The following ZFHX3 variants were observed in gnomAD, a reference collection of about 807,000 sequenced individuals.
ZFHX3 encodes the protein zinc finger homeobox 3.
A neutral mutation model predicts 279.1 loss-of-function variants in ZFHX3; 42 were observed. The observed-to-expected ratio is 0.15, with a 90% CI of 0.12 to 0.19. The LOEUF (loss-of-function observed/expected upper bound fraction) is 0.19. Ranked by LOEUF, ZFHX3 falls within the 10% of genes least tolerant of loss-of-function variation. ZFHX3 has a pLI of 1.00. For missense variants in ZFHX3, 4,981 were observed against 4,754.0 expected (o/e 1.05, Z -1.40); for synonymous variants, 2,293 against 1,957.8 (o/e 1.17, Z -4.52).
At chr16:73,840,878 G>A (rs749991235) in intron 1 of ZFHX3, among the ~76,000 whole-genome samples, 1 of 152,146 alleles carries the variant, frequency 6.6e-6, no homozygotes, top group Non-Finnish European at 1.5e-5. Context: ...GTTGGGAGGG[G>A]GTTGGGGAAG....
At chr16:73,804,736 G>A (rs1402483312) in intron 1 of ZFHX3, among the ~76,000 whole-genome samples, 26 of 151,940 alleles carry the variant, frequency 1.7e-4, no homozygotes, top group Admixed American at 1.7e-3. Flanking sequence ...TATTTCATTT[G>A]GGGTGAAAAC....
At chr16:73,507,249 G>A (rs2019342509) in intron 2 of ZFHX3, among the ~76,000 whole-genome samples, 2 of 152,160 alleles carry the variant, frequency 1.3e-5, no homozygotes, top group East Asian at 1.9e-4. Context: ...ATAGAAAAAC[G>A]AGGTAATATA....
At chr16:72,913,105 G>A (rs1384089613) in intron 3 of ZFHX3, among the ~76,000 whole-genome samples, 2 of 152,210 alleles carry the variant, frequency 1.3e-5, no homozygotes, top group African/African-American at 4.8e-5. Flanking sequence ...TAGATTTATA[G>A]AAGAGTTGTA....
At chr16:73,347,664 T>A (rs2016147769) in intron 3 of ZFHX3, among the ~76,000 whole-genome samples, 1 of 152,270 alleles carries the variant, frequency 6.6e-6, no homozygotes, top group Non-Finnish European at 1.5e-5. Flanking sequence ...CTACACTCTC[T>A]ATTTGTCTGT....
chr16:73,487,018 T>C (rs1472524585), intron 2 of ZFHX3: 4 of 338,162 alleles, frequency 1.2e-5, no homozygotes, highest in African/African-American at 2.1e-5. Context: ...GACTTATAAA[T>C]GGACAGCAAT....
At chr16:72,937,376 C>A (rs1226071791) in intron 3 of ZFHX3, among the ~76,000 whole-genome samples, 1 of 152,192 alleles carries the variant, frequency 6.6e-6, no homozygotes, top group Non-Finnish European at 1.5e-5. Flanking sequence ...AGACAAAGGG[C>A]AAGAGTGGCA....
At position 73,636,022 on chromosome 16, in the gene ZFHX3, G is replaced by A. The variant is rs115333937; in HGVS notation, c.-1547+44158C>T. 7.9e-3 allele frequency among the ~76,000 whole-genome samples: 1,206 copies of A among 152,170 alleles called. 19 individuals are homozygous for A. The highest frequency in any genetic ancestry group is 0.027 in the African/African-American group (1,128 of 41,514). ...ATTGACCTCAGACTATTGAAACAGG[G>A]CAGCTTATTTTCGCTCCTCACCCTG... On this transcript the variant is annotated intron_variant, in intron 2 of 17. Coordinates refer to the ZFHX3 transcript ENST00000641206.
chr16:72,794,501 C>A lies in ZFHX3; in HGVS notation c.8181G>T (p.Glu2727Asp). Reference sequence around the variant, plus strand: ...GCCAGTGACGGGACCGGATATGAGCCTCAAGAGCAGTCTTGGCTTTGAAGA... The same window carrying A: ...GCCAGTGACGGGACCGGATATGAGCATCAAGAGCAGTCTTGGCTTTGAAGA... Reference protein sequence around the residue: ...RALFKAKTALEAHIRSRHWHE... With the variant: ...RALFKAKTALDAHIRSRHWHE... Residue 2727 changes from glutamate (E) to aspartate (D), a missense_variant, in exon 9 of 10, where the codon GAG becomes GAT. Glu to Asp is a conservative substitution (Grantham distance 45). This residue lies in a region of ZFHX3 where 744 missense variants were observed against 701.3 expected (regional missense o/e 1.06). Coordinates refer to ENST00000268489, the MANE Select transcript of ZFHX3 (RefSeq NM_006885.4). The surrounding 1 kb of genome is among the most constrained non-coding windows in gnomAD (Gnocchi z 4.2). 1.2e-6 allele frequency: 2 copies of A among 1,614,230 alleles called. No homozygotes were observed. Among genetic ancestry groups the A allele is most frequent in the Non-Finnish European group, 1.7e-6 (2 of 1,180,054 alleles).
intron 2 of ZFHX3, among the ~76,000 whole-genome samples, chr16:73,645,697 C>T (rs936700598): frequency 6.6e-6 from 1 of 152,112 alleles, no homozygotes; most frequent in African/African-American, 2.4e-5. Context: ...GCTTTGAGAA[C>T]ATTTAATCGA....
intron 1 of ZFHX3, among the ~76,000 whole-genome samples, chr16:73,020,390 A>T (rs1964257513): frequency 7.2e-6 from 1 of 138,458 alleles, no homozygotes; most frequent in Non-Finnish European, 1.6e-5. Flanking sequence ...CTGATTTCTC[A>T]CAAGAAATTT....
At chr16:73,773,282 C>T (rs2054039922) in intron 1 of ZFHX3, among the ~76,000 whole-genome samples, 1 of 152,240 alleles carries the variant, frequency 6.6e-6, no homozygotes, top group South Asian at 2.1e-4. Context: ...CCCCAGGCAG[C>T]TGTGTCCCAC....
At chr16:73,852,866 G>A (rs1041776538) in intron 1 of ZFHX3, among the ~76,000 whole-genome samples, 1 of 152,142 alleles carries the variant, frequency 6.6e-6, no homozygotes, top group Non-Finnish European at 1.5e-5. Flanking sequence ...AAATAACAGA[G>A]CAAACAGACA....
At chr16:73,423,269 G>A (rs2017751512) in intron 3 of ZFHX3, among the ~76,000 whole-genome samples, 1 of 152,068 alleles carries the variant, frequency 6.6e-6, no homozygotes, top group Non-Finnish European at 1.5e-5. Flanking sequence ...ATTTTGCTGA[G>A]CATTGGACAG....
rs143678779 is a variant in ZFHX3 at position 72,957,764 on chromosome 16, C to G, written c.2382G>C (p.Ser794=). The G allele has an allele frequency of 6.2e-7, 1 of 1,614,056 alleles. No individual in the cohort carries two copies. The highest frequency in any genetic ancestry group is 8.5e-7 in the Non-Finnish European group (1 of 1,180,018). Residue 794 remains serine, a synonymous_variant, in exon 2 of 10, where the codon TCG becomes TCC. Transcript: ENST00000268489. The part of the protein sequence containing the change: ...ANISSSCGAP[S]PTKPKTKPTW... Reference sequence around the variant, plus strand: ...TGGGTTTGGTTTTTGGTTTGGTCGGCGAGGGGGCCCCGCAGGAGCTACTGA... The same window carrying G: ...TGGGTTTGGTTTTTGGTTTGGTCGGGGAGGGGGCCCCGCAGGAGCTACTGA...
intron 2 of ZFHX3, among the ~76,000 whole-genome samples, chr16:73,529,708 C>A (rs558659182): frequency 6.6e-6 from 1 of 152,186 alleles, no homozygotes; most frequent in Non-Finnish European, 1.5e-5. Context: ...TACACCTTCA[C>A]CTAGATAGTA....
chr16:73,000,609 G>T (rs1597074765), intron 1 of ZFHX3, among the ~76,000 whole-genome samples: 1 of 152,300 alleles, frequency 6.6e-6, no homozygotes, highest in South Asian at 2.1e-4. Flanking sequence ...GGCTCCCAAA[G>T]AGCTCCTGGG....
chr16:73,537,832 G>T (rs548213673), intron 2 of ZFHX3, among the ~76,000 whole-genome samples: 1 of 152,206 alleles, frequency 6.6e-6, no homozygotes, highest in South Asian at 2.1e-4. Flanking sequence ...GACAAAAGCT[G>T]ACCATTTAGG....
chr16:73,165,352 C>T (rs371073906), intron 5 of ZFHX3, among the ~76,000 whole-genome samples: 28 of 152,274 alleles, frequency 1.8e-4, no homozygotes, highest in Admixed American at 5.2e-4. Context: ...AGGTCTTGTA[C>T]GATTATGCTC....
intron 1 of ZFHX3, among the ~76,000 whole-genome samples, chr16:73,693,688 G>A (rs1201098205): frequency 6.6e-6 from 1 of 152,126 alleles, no homozygotes; most frequent in Admixed American, 6.5e-5. Flanking sequence ...ATAAAGGAAA[G>A]CCCTCCAAAT....
Sources: allele counts gnomAD v4.1 joint callset (sites outside exome capture counted in the v4.1 genomes callset), GRCh38; gene constraint gnomAD v4.1.1; regional missense constraint gnomAD v4.1.1; non-coding constraint Gnocchi (gnomAD v3.1); transcripts MANE v1.5; gene names NCBI Gene and HGNC (gene_info 2026-07-23, HGNC 2026-07-21).